The following UBAP1L variants were observed in gnomAD, a reference collection of about 807,000 sequenced individuals.
UBAP1L encodes the protein ubiquitin associated protein 1 like.
A neutral mutation model predicts 32.1 loss-of-function variants in UBAP1L; 32 were observed. The ratio of observed to expected loss-of-function variants is 1.00; its 90% CI spans 0.75 to 1.34. The LOEUF is 1.34. Among genes scored for constraint, UBAP1L ranks in the 40% most tolerant of loss-of-function variants. UBAP1L has a pLI of 0.00. For synonymous variants in UBAP1L, 243 were observed against 250.2 expected (o/e 0.97, Z 0.27); for missense variants, 516 against 540.5 (o/e 0.95, Z 0.45).
At position 65,102,587 on chromosome 15, in the gene UBAP1L, G is replaced by A. The variant is rs1249200627; in HGVS notation, c.218C>T (p.Ala73Val). 3.2e-6 allele frequency: 5 copies of A among 1,547,626 alleles called. No individual in the cohort carries two copies. The highest frequency in any genetic ancestry group is 2.7e-5 in the African/African-American group (2 of 72,818). ...GACTAGCAAGAGCCAGGCTGGAGGGGCTGACGCTGTCCCCGGGTCACCGCA... is the reference window on the plus strand; with the variant it reads ...GACTAGCAAGAGCCAGGCTGGAGGGACTGACGCTGTCCCCGGGTCACCGCA... Reference protein sequence around the residue: ...YQCGDPGTASAPPAWLLLVSP... With the variant: ...YQCGDPGTASVPPAWLLLVSP... The change falls in exon 3 of 6, where the codon GCC (alanine) becomes GTC (valine). Residue 73 changes from alanine (A) to valine (V), a missense_variant. Transcript: ENST00000559089. This position sits in a 1 kb window ranked among gnomAD's most constrained non-coding sequence, Gnocchi z 5.0.
chr15:65,107,267 C>T (rs2140568792), intron 1 of UBAP1L, among the ~76,000 whole-genome samples: 1 of 150,804 alleles, frequency 6.6e-6, no homozygotes. Flanking sequence ...GTATCTCTAA[C>T]ACATCACACA....
chr15:65,111,225 G>A (rs892142197), intron 1 of UBAP1L, among the ~76,000 whole-genome samples: 1 of 152,166 alleles, frequency 6.6e-6, no homozygotes, highest in South Asian at 2.1e-4. Flanking sequence ...GGACCTTTGA[G>A]GTACAAGGGT....
chr15:65,102,727 C>T lies in UBAP1L; in HGVS notation c.121-43G>A, dbSNP rs747380054. The T allele has an allele frequency of 2.0e-6, 3 of 1,522,528 alleles. No homozygotes were observed. Among genetic ancestry groups the T allele is most frequent in the Non-Finnish European group, 2.6e-6 (3 of 1,134,174 alleles). 94.3% of individuals were successfully genotyped at this position (1,522,528 alleles called of 1,614,324 possible). ...CGTAAAGCCCAGGGCAAACCAGGAC[C>T]CCGGGGGCACAACACTAACCCCTGG... On this transcript the variant is annotated intron_variant, in intron 2 of 5. Coordinates refer to ENST00000559089, the MANE Select transcript of UBAP1L (RefSeq NM_001163692.2). This position sits in a 1 kb window ranked among gnomAD's most constrained non-coding sequence, Gnocchi z 5.0.
rs115062339 is a variant in UBAP1L at position 65,108,461 on chromosome 15, C to T, written c.-173-2073G>A. Among the ~76,000 whole-genome samples the T allele has an allele frequency of 4.3e-3, 655 of 152,230 alleles. 6 individuals carry two copies. Among genetic ancestry groups the T allele is most frequent in the African/African-American group, 0.015 (625 of 41,532 alleles). Reference sequence around the variant, plus strand: ...ATTTCTTAAGTTACAAAAGGGCTAACGGGCCAGGCACGTTGGCTCATGCCT... The same window carrying T: ...ATTTCTTAAGTTACAAAAGGGCTAATGGGCCAGGCACGTTGGCTCATGCCT... On this transcript the variant is annotated intron_variant, in intron 1 of 5. Transcript: ENST00000559089.
chr15:65,095,663 T>G (rs1043744199), intron 4 of UBAP1L: 1 of 152,292 alleles, frequency 6.6e-6, no homozygotes, highest in East Asian at 1.9e-4. Flanking sequence ...GGCTCCAGAC[T>G]ACAGGAATTA....
At position 65,103,349 on chromosome 15, in the gene UBAP1L, C is replaced by T. The variant is rs565186420; in HGVS notation, c.121-665G>A. 4.6e-5 allele frequency among the ~76,000 whole-genome samples: 7 copies of T among 152,196 alleles called. No homozygotes were observed. The East Asian group carries it at 1.2e-3, about 25-fold the overall frequency. On this transcript the variant is annotated intron_variant, in intron 2 of 5. Coordinates refer to ENST00000559089, the MANE Select transcript of UBAP1L (RefSeq NM_001163692.2). The stretch of plus-strand genomic sequence containing the variant: ...CCTGATTGTAGTGCTTTCTCCACTT[C>T]GTATCAGACCACCTAAAAAAGCAAT...
At chr15:65,099,255 T>C in intron 4 of UBAP1L, 2 of 497,250 alleles carry the variant, frequency 4.0e-6, no homozygotes. Flanking sequence ...AGGGATTACC[T>C]TAACTGCAGA....
chr15:65,109,450 T>A (rs1037784329), intron 1 of UBAP1L, among the ~76,000 whole-genome samples: 1 of 113,930 alleles, frequency 8.8e-6, no homozygotes, highest in Non-Finnish European at 1.6e-5. Flanking sequence ...GCCACTGCAC[T>A]CCAGCCTGGG....
In UBAP1L at chr15:65,099,535, C is replaced by A; in HGVS notation, c.879G>T (p.Leu293=). Reference sequence around the variant, plus strand: ...TCAGGCTCTGCCTCCCTGTCTTCTGCAGAGCTATGATGGCCCTTCGCAGGG... The same window carrying A: ...TCAGGCTCTGCCTCCCTGTCTTCTGAAGAGCTATGATGGCCCTTCGCAGGG... The part of the protein sequence containing the change: ...GYPLRRAIIA[L]QKTGRQSLSQ... The change falls in exon 4 of 6, where the codon CTG becomes CTT. Residue 293 remains leucine (L), a synonymous_variant. Transcript: ENST00000559089. The A allele has an allele frequency of 6.4e-7, 1 of 1,551,024 alleles. No individual in the cohort carries two copies. The highest frequency in any genetic ancestry group is 8.7e-7 in the Non-Finnish European group (1 of 1,146,916).
At chr15:65,113,121 A>G (rs1048078859) in intron 1 of UBAP1L, among the ~76,000 whole-genome samples, 5 of 152,186 alleles carry the variant, frequency 3.3e-5, no homozygotes, top group African/African-American at 1.2e-4. Flanking sequence ...CTGTAATCCC[A>G]ACACTTTGGG....
In UBAP1L at chr15:65,102,783, C is replaced by T. The variant is rs1379769841; in HGVS notation, c.121-99G>A. ...GGGACCCTGTTCAGCCAGAGACTCT[C>T]TAAGCCTGGACAGCGTCAGATTCTG... On this transcript the variant is annotated intron_variant, in intron 2 of 5. Transcript: ENST00000559089. This position sits in a 1 kb window ranked among gnomAD's most constrained non-coding sequence, Gnocchi z 5.0. The T allele has an allele frequency of 8.8e-7, 1 of 1,142,298 alleles. No individual in the cohort carries two copies. The highest frequency in any genetic ancestry group is 1.2e-6 in the Non-Finnish European group (1 of 826,912). The allele number at this position is 1,142,298 out of a possible 1,614,324, so 70.8% of individuals were successfully genotyped here. A position where few individuals can be genotyped will look rare whatever the true frequency, so the allele number is the denominator to read the frequency against.
chr15:65,106,035 C>A, intron 2 of UBAP1L, 61 bp downstream of exon 2: 1 of 1,538,030 alleles, frequency 6.5e-7, no homozygotes, highest in South Asian at 1.2e-5. Flanking sequence ...AGGAACAAGG[C>A]CCCATGGACT....
At position 65,102,416 on chromosome 15, in the gene UBAP1L, G is replaced by C; in HGVS notation, c.389C>G (p.Pro130Arg). 2 of 1,427,180 alleles carry C rather than the reference G, an allele frequency of 1.4e-6. No homozygotes were observed. Among genetic ancestry groups the C allele is most frequent in the Non-Finnish European group, 1.8e-6 (2 of 1,095,024 alleles). 88.4% of individuals were successfully genotyped at this position (1,427,180 alleles called of 1,614,324 possible). Reference sequence around the variant, plus strand: ...GGGGCCGGGGCTCGCCGGGGAGCCCGGTTGGAGGCTGCTGGGGGCCGGCTC... The same window carrying C: ...GGGGCCGGGGCTCGCCGGGGAGCCCCGTTGGAGGCTGCTGGGGGCCGGCTC... ...EEEPAPSSLQ[P>R]GSPASPGPGR... Residue 130 changes from proline (P) to arginine (R), a missense_variant, in exon 3 of 6, where the codon CCG (proline) becomes CGG (arginine). By Grantham distance (103) the Pro-to-Arg change is moderately radical. Coordinates refer to ENST00000559089, the MANE Select transcript of UBAP1L (RefSeq NM_001163692.2). This position sits in a 1 kb window ranked among gnomAD's most constrained non-coding sequence, Gnocchi z 5.0.
intron 2 of UBAP1L, among the ~76,000 whole-genome samples, chr15:65,104,268 G>A (rs8031029): frequency 0.73 from 110,752 of 151,258 alleles, 42,391 homozygotes; most frequent in East Asian, 0.99. Flanking sequence ...AAGGGAAGGG[G>A]AAGGGAAAAA....
intron 2 of UBAP1L, among the ~76,000 whole-genome samples, chr15:65,103,342 T>C (rs1007633991): frequency 1.3e-5 from 2 of 152,164 alleles, no homozygotes; most frequent in Non-Finnish European, 2.9e-5. Flanking sequence ...TAGTGCTTTC[T>C]CCACTTCGTA....
rs1645860789 is a variant in UBAP1L at position 65,102,393 on chromosome 15, G to C, written c.412C>G (p.Pro138Ala). Residue 138 changes from proline to alanine, a missense_variant, in exon 3 of 6, where the codon CCC (proline) becomes GCC (alanine). Physicochemically the swap from Pro to Ala is conservative, Grantham distance 27. Transcript: ENST00000559089. This position sits in a 1 kb window ranked among gnomAD's most constrained non-coding sequence, Gnocchi z 5.0. ...TCCAGCGAGCACAGGCGACGGCCGG[G>C]GCCGGGGCTCGCCGGGGAGCCCGGT... Reference protein sequence around the residue: ...LQPGSPASPGPGRRLCSLDVL... With the variant: ...LQPGSPASPGAGRRLCSLDVL... 1.4e-6 allele frequency: 2 copies of C among 1,438,478 alleles called. No individual in the cohort carries two copies. The highest frequency in any genetic ancestry group is 3.0e-5 in the Admixed American group (1 of 33,384). 89.1% of individuals were successfully genotyped at this position (1,438,478 alleles called of 1,614,324 possible). A position where few individuals can be genotyped will look rare whatever the true frequency, so the allele number is the denominator to read the frequency against.
intron 4 of UBAP1L, chr15:65,097,885 C>G (rs1025886537): frequency 1.3e-5 from 2 of 152,086 alleles, no homozygotes; most frequent in Non-Finnish European, 2.9e-5. Flanking sequence ...AGCTCTGGAC[C>G]GCAGGGACCC....
chr15:65,106,199 C>T lies in UBAP1L; in HGVS notation c.17G>A (p.Gly6Asp). 1 of 1,546,322 alleles carries T rather than the reference C, an allele frequency of 6.5e-7. No individual in the cohort carries two copies. The highest frequency in any genetic ancestry group is 8.7e-7 in the Non-Finnish European group (1 of 1,145,544). MNALD[G>D]VPFKLPKGFV... ...GCCCTTGGGCAACTTGAAAGGAACA[C>T]CATCGAGGGCATTCATTCTGTCAGG... Residue 6 changes from glycine (G) to aspartate (D), a missense_variant, in exon 2 of 6, where the codon GGT becomes GAT. Coordinates refer to ENST00000559089, the MANE Select transcript of UBAP1L (RefSeq NM_001163692.2).
At chr15:65,110,259 T>G (rs1253375807) in intron 1 of UBAP1L, among the ~76,000 whole-genome samples, 1 of 151,732 alleles carries the variant, frequency 6.6e-6, no homozygotes, top group Non-Finnish European at 1.5e-5. Flanking sequence ...CTCAGGAAGC[T>G]GAGGCAGGAG....
Sources: gnomAD v4.1 joint callset for allele counts (sites outside exome capture counted in the v4.1 genomes callset) on GRCh38, gnomAD v4.1.1 for gene constraint, Gnocchi (gnomAD v3.1) non-coding constraint, MANE v1.5 for transcripts, NCBI Gene and HGNC (gene_info 2026-07-23, HGNC 2026-07-21) for gene names.